Variants in PRIM2 observed in about 807,000 individuals in gnomAD.
The protein encoded by PRIM2 is DNA primase large subunit.
In PRIM2, 39 loss-of-function variants were observed where a neutral mutation model predicts 67.3. The ratio of observed to expected loss-of-function variants is 0.58; its 90% CI spans 0.45 to 0.76. PRIM2 has a LOEUF of 0.76. Ranked by LOEUF, PRIM2 falls within the 30% of genes least tolerant of loss-of-function variation. The probability of loss-of-function intolerance (pLI) is 0.00; values close to 1 mark genes in which losing one functional copy is unlikely to be tolerated. For synonymous variants in PRIM2, 143 were observed against 198.7 expected (o/e 0.72, Z 2.36); for missense variants, 398 against 598.7 (o/e 0.66, Z 3.50).
chr6:57,415,033 G>A (rs1444331472), intron 7 of PRIM2, among the ~76,000 whole-genome samples: 1 of 151,998 alleles, frequency 6.6e-6, no homozygotes, highest in East Asian at 1.9e-4. Flanking sequence ...ACTAGAAGTG[G>A]TTTAAGGCAG....
the PRIM2 span, among the ~76,000 whole-genome samples, chr6:57,300,189 G>C: frequency 6.6e-6 from 1 of 152,236 alleles, no homozygotes; most frequent in Non-Finnish European, 1.5e-5. Context: ...GCCAAGGCCT[G>C]CAGATGCATT....
At chr6:57,600,978 C>T in intron 10 of PRIM2, 115 bp from the exon 11 acceptor site, 2 of 953,024 alleles carry the variant, frequency 2.1e-6, no homozygotes, top group South Asian at 2.0e-5. Context: ...CCCGTGAATG[C>T]TGAGTTTATT....
chr6:57,465,663 C>G (rs1581934987), intron 7 of PRIM2, among the ~76,000 whole-genome samples: 1 of 152,186 alleles, frequency 6.6e-6, no homozygotes, highest in African/African-American at 2.4e-5. Flanking sequence ...TGCCTCAGGT[C>G]CCTCAAATGT....
the PRIM2 span, among the ~76,000 whole-genome samples, chr6:57,282,979 CT>C: frequency 6.6e-6 from 1 of 152,090 alleles, no homozygotes; most frequent in African/African-American, 2.4e-5. Context: ...ATCTGGGAGT[CT>C]TTTTTTCTAG....
chr6:57,350,973 G>A (rs1768839521), intron 5 of PRIM2, among the ~76,000 whole-genome samples: 1 of 150,910 alleles, frequency 6.6e-6, no homozygotes, highest in Non-Finnish European at 1.5e-5. Context: ...GATGAGACTA[G>A]CAAGATAGGA....
intron 6 of PRIM2, among the ~76,000 whole-genome samples, chr6:57,380,441 A>G (rs1380646190): frequency 6.6e-6 from 1 of 152,038 alleles, no homozygotes; most frequent in African/African-American, 2.4e-5. Flanking sequence ...CTGACATTGT[A>G]AGCCTACGTT....
chr6:57,619,740 T>A (rs1776818582), intron 12 of PRIM2, among the ~76,000 whole-genome samples: 4 of 152,088 alleles, frequency 2.6e-5, no homozygotes, highest in Admixed American at 2.6e-4. Context: ...TAAGAAAATA[T>A]GAACAAAGCC....
chr6:57,448,824 T>C (rs1772441250), intron 7 of PRIM2, among the ~76,000 whole-genome samples: 1 of 152,242 alleles, frequency 6.6e-6, no homozygotes, highest in Non-Finnish European at 1.5e-5. Flanking sequence ...CATTAGGTCC[T>C]ATTTATAATT....
intron 2 of PRIM2, among the ~76,000 whole-genome samples, chr6:57,319,403 T>C (rs1284750153): frequency 6.6e-6 from 1 of 152,236 alleles, no homozygotes; most frequent in Non-Finnish European, 1.5e-5. Context: ...GGTGAGATAC[T>C]GTTAATCATT....
At chr6:57,300,865 AG>A in the PRIM2 span, among the ~76,000 whole-genome samples, 1 of 152,174 alleles carries the variant, frequency 6.6e-6, no homozygotes, top group Non-Finnish European at 1.5e-5. Flanking sequence ...CTTACCAAAA[AG>A]GGATAGGGAA....
intron 7 of PRIM2, among the ~76,000 whole-genome samples, chr6:57,446,562 C>T (rs75586228): frequency 0.013 from 1,966 of 151,734 alleles, 148 homozygotes; most frequent in Admixed American, 0.12. Context: ...TACAGGCACC[C>T]GCCACCATGC....
chr6:57,303,710 G>A, the PRIM2 span, among the ~76,000 whole-genome samples: 2 of 152,160 alleles, frequency 1.3e-5, no homozygotes, highest in Admixed American at 1.3e-4. Context: ...CTGCCTCCCT[G>A]GTTCAAATGA....
chr6:57,320,628 G>A (rs1767623148), intron 3 of PRIM2, 68 bp downstream of exon 3: 3 of 991,862 alleles, frequency 3.0e-6, no homozygotes, highest in East Asian at 5.2e-5. Context: ...TCACTTGTGG[G>A]AAAGATATTA....
At chr6:57,640,234 C>T (rs1478365699) in intron 13 of PRIM2, among the ~76,000 whole-genome samples, 3 of 152,132 alleles carry the variant, frequency 2.0e-5, no homozygotes, top group African/African-American at 7.2e-5. Context: ...TGGCACATAT[C>T]TCAAAATAGT....
intron 7 of PRIM2, among the ~76,000 whole-genome samples, chr6:57,430,447 G>GTTTTTTTTTTTTTTT (rs71687266): frequency 1.8e-4 from 14 of 78,136 alleles, no homozygotes; most frequent in South Asian, 7.3e-4. Context: ...TTCTTTCTTT[G>GTTTTTTTTTTTTTTT]TTTTTTTTTT....
intron 7 of PRIM2, among the ~76,000 whole-genome samples, chr6:57,412,897 G>C (rs9464477): frequency 2.6e-5 from 4 of 152,214 alleles, no homozygotes; most frequent in African/African-American, 9.6e-5. Flanking sequence ...ATTTCATTAC[G>C]TTACTGGGAA....
chr6:57,291,736 C>T, the PRIM2 span, among the ~76,000 whole-genome samples: 31 of 152,088 alleles, frequency 2.0e-4, no homozygotes, highest in African/African-American at 3.1e-4. Context: ...ACAGAACCAA[C>T]GACAAAAACC....
chr6:57,257,308 G>C, the PRIM2 span, among the ~76,000 whole-genome samples: 17 of 144,770 alleles, frequency 1.2e-4, no homozygotes, highest in Non-Finnish European at 1.8e-4. Context: ...TCTTGCTCTT[G>C]TTGCCCAGGC....
At chr6:57,267,819 G>A in the PRIM2 span, among the ~76,000 whole-genome samples, 3 of 151,226 alleles carry the variant, frequency 2.0e-5, no homozygotes, top group Non-Finnish European at 4.4e-5. Flanking sequence ...TGACCCTCCC[G>A]CCTTGGCCTC....
Sources: allele counts gnomAD v4.1 joint callset (sites outside exome capture counted in the v4.1 genomes callset), GRCh38; gene constraint gnomAD v4.1.1; transcripts MANE v1.5; gene names NCBI Gene and HGNC (gene_info 2026-07-23, HGNC 2026-07-21).